Variants in THSD4 observed in about 807,000 individuals in gnomAD.
THSD4 encodes thrombospondin type 1 domain containing 4, also known as thrombospondin type-1 domain-containing protein 4.
In THSD4, 69 loss-of-function variants were observed where a neutral mutation model predicts 119.0. The ratio of observed to expected loss-of-function variants is 0.58; its 90% CI spans 0.48 to 0.71. THSD4 has a LOEUF of 0.71. Among genes scored for constraint, THSD4 ranks in the 30% least tolerant of loss-of-function variants. The probability of loss-of-function intolerance (pLI) is 0.00; values close to 1 mark genes in which losing one functional copy is unlikely to be tolerated. For synonymous variants in THSD4, 524 were observed against 540.4 expected (o/e 0.97, Z 0.42); for missense variants, 1,393 against 1,391.1 (o/e 1.00, Z -0.02).
chr15:71,549,230 C>A (rs570830097), intron 7 of THSD4, among the ~76,000 whole-genome samples: 8 of 152,172 alleles, frequency 5.3e-5, no homozygotes, highest in Admixed American at 5.2e-4. Flanking sequence ...CTAGAAAACC[C>A]GATCAGAGGT....
At chr15:71,101,030 T>G (rs2040251690) in intron 1 of THSD4, among the ~76,000 whole-genome samples, 2 of 151,800 alleles carry the variant, frequency 1.3e-5, no homozygotes, top group Non-Finnish European at 2.9e-5. Context: ...TAAAATAAAA[T>G]AAAATAAAAT....
rs185598812 is a variant in THSD4, at chr15:71,741,731, G to A, written c.1907-3375G>A. On this transcript the variant is annotated intron_variant, in intron 11 of 17. Coordinates refer to ENST00000261862, the MANE Select transcript of THSD4 (RefSeq NM_024817.3). The stretch of plus-strand genomic sequence containing the variant: ...CACACACACACACACACACACACTC[G>A]GCATCTGCCACTCAGAATGTCTGAG... Among the ~76,000 whole-genome samples, 233 of 143,708 alleles carry A rather than the reference G, an allele frequency of 1.6e-3. 4 individuals carry two copies. The highest frequency in any genetic ancestry group is 5.3e-3 in the African/African-American group (198 of 37,058). The allele number at this position is 143,708 out of a possible 152,430, so 94.3% of individuals were successfully genotyped here.
Position 71,304,334 on chromosome 15 carries a change from G to T in THSD4, c.1015+47619G>T, listed in dbSNP as rs566562004. Among the ~76,000 whole-genome samples, 10 of 152,028 alleles carry T rather than the reference G, an allele frequency of 6.6e-5. No individual in the cohort carries two copies. The South Asian group carries it at 1.2e-3, about 19-fold the overall frequency. ...AAGGAGTCTTGTGCTCCTTTCAGAG[G>T]TTGGACAGTGCCATGACACTGTTCA... On this transcript the variant is annotated intron_variant, in intron 6 of 17. Transcript: ENST00000261862.
At chr15:71,270,544 T>G (rs1357168184) in intron 6 of THSD4, among the ~76,000 whole-genome samples, 3 of 152,300 alleles carry the variant, frequency 2.0e-5, no homozygotes, top group Non-Finnish European at 4.4e-5. Context: ...TGGGAACTAG[T>G]TTTTACCTTC....
intron 7 of THSD4, among the ~76,000 whole-genome samples, chr15:71,639,326 A>G (rs537667066): frequency 3.3e-5 from 5 of 152,330 alleles, no homozygotes; most frequent in African/African-American, 1.2e-4. Flanking sequence ...CCAGAAAGCC[A>G]TATGTAATTT....
chr15:71,111,070 C>A, upstream of THSD4: 1 of 1,454,810 alleles, frequency 6.9e-7, no homozygotes, highest in Non-Finnish European at 9.3e-7. Context: ...TGAGTATTAT[C>A]ATTTGCAAAG....
chr15:71,372,990 C>T (rs28580569), intron 6 of THSD4, among the ~76,000 whole-genome samples: 1,730 of 152,346 alleles, frequency 0.011, 33 homozygotes, highest in African/African-American at 0.039. Context: ...GCGCCCCTCC[C>T]GCAGGCTAGG....
chr15:71,510,477 G>A (rs1246192838), intron 7 of THSD4, among the ~76,000 whole-genome samples: 1 of 152,172 alleles, frequency 6.6e-6, no homozygotes, highest in African/African-American at 2.4e-5. Context: ...AAGTTGAATA[G>A]GAGAAACAGG....
intron 6 of THSD4, among the ~76,000 whole-genome samples, chr15:71,366,410 C>A (rs1213583461): frequency 6.6e-6 from 1 of 152,150 alleles, no homozygotes; most frequent in Non-Finnish European, 1.5e-5. Flanking sequence ...AGAGCTGCTG[C>A]TGCTTGATGA....
chr15:71,378,291 T>G (rs1019387248), intron 6 of THSD4, among the ~76,000 whole-genome samples: 1 of 152,196 alleles, frequency 6.6e-6, no homozygotes, highest in South Asian at 2.1e-4. Context: ...GAGAAAGGGA[T>G]GCCTTCACTA....
intron 6 of THSD4, among the ~76,000 whole-genome samples, chr15:71,298,640 T>A (rs1452214522): frequency 7.4e-6 from 1 of 135,782 alleles, no homozygotes; most frequent in African/African-American, 2.8e-5. Flanking sequence ...TGAGGCAGAG[T>A]CTTGCTCTGT....
chr15:71,688,349 C>A (rs1379321744), intron 8 of THSD4, among the ~76,000 whole-genome samples: 5 of 152,176 alleles, frequency 3.3e-5, no homozygotes, highest in African/African-American at 1.2e-4. Flanking sequence ...CAGACTTCAC[C>A]CTAAACATGA....
chr15:71,552,394 C>G (rs948581699), intron 7 of THSD4, among the ~76,000 whole-genome samples: 1 of 152,184 alleles, frequency 6.6e-6, no homozygotes, highest in Non-Finnish European at 1.5e-5. Context: ...CAGTGACACC[C>G]TTTATTTAAA....
At chr15:71,459,209 A>C (rs770679882) in intron 7 of THSD4, among the ~76,000 whole-genome samples, 25 of 131,094 alleles carry the variant, frequency 1.9e-4, no homozygotes, top group Non-Finnish European at 3.8e-4. Context: ...CTCAGGCTGG[A>C]GTGCAGTGGT....
chr15:71,292,049 A>G (rs1249489328), intron 6 of THSD4, among the ~76,000 whole-genome samples: 1 of 152,180 alleles, frequency 6.6e-6, no homozygotes, highest in Non-Finnish European at 1.5e-5. Context: ...AAATGTGTTG[A>G]TTGCACCCTA....
intron 7 of THSD4, among the ~76,000 whole-genome samples, chr15:71,446,766 C>G (rs1029147687): frequency 1.6e-4 from 25 of 152,164 alleles, no homozygotes; most frequent in Admixed American, 1.4e-3. Context: ...AGGGTCACTT[C>G]CCTCCAGTTT....
intron 7 of THSD4, among the ~76,000 whole-genome samples, chr15:71,437,253 G>A (rs1374837002): frequency 6.6e-6 from 1 of 152,176 alleles, no homozygotes; most frequent in Non-Finnish European, 1.5e-5. Flanking sequence ...ATTCATGAGC[G>A]ATCCACTCCC....
intron 17 of THSD4, among the ~76,000 whole-genome samples, chr15:71,775,626 G>T (rs971058542): frequency 6.6e-6 from 1 of 152,136 alleles, no homozygotes; most frequent in Non-Finnish European, 1.5e-5. Flanking sequence ...CAGGAGAAAG[G>T]CTTGGACCCG....
At chr15:71,756,330 G>A (rs2053537983) in intron 14 of THSD4, among the ~76,000 whole-genome samples, 1 of 152,132 alleles carries the variant, frequency 6.6e-6, no homozygotes, top group Non-Finnish European at 1.5e-5. Flanking sequence ...TCTAGATGTT[G>A]GAAGCAAGAG....
Sources: allele counts gnomAD v4.1 joint callset (sites outside exome capture counted in the v4.1 genomes callset), GRCh38; gene constraint gnomAD v4.1.1; transcripts MANE v1.5; gene names NCBI Gene and HGNC (gene_info 2026-07-23, HGNC 2026-07-21).